The following INPP4B variants were observed in gnomAD, a reference collection of about 807,000 sequenced individuals.
The protein encoded by INPP4B is inositol polyphosphate-4-phosphatase type II B, also known as inositol polyphosphate 4-phosphatase type II.
INPP4B carries 55 observed loss-of-function variants against 122.5 expected under a neutral mutation model. The observed-to-expected ratio is 0.45, with a 90% CI of 0.36 to 0.56. INPP4B has a LOEUF of 0.56. Among genes scored for constraint, INPP4B ranks in the 20% least tolerant of loss-of-function variants. The probability of loss-of-function intolerance (pLI) is 0.00; values close to 1 mark genes in which losing one functional copy is unlikely to be tolerated. For synonymous variants in INPP4B, 403 were observed against 388.7 expected, an observed-to-expected ratio of 1.04 and a Z score of -0.43; for missense variants, 1,000 against 1,097.7, an observed-to-expected ratio of 0.91 and a Z score of 1.26.
At chr4:142,446,807 A>T (rs1813007250) in intron 3 of INPP4B, among the ~76,000 whole-genome samples, 1 of 152,196 alleles carries the variant, frequency 6.6e-6, no homozygotes, top group Non-Finnish European at 1.5e-5. Context: ...ACACTGTAAA[A>T]CAATACTCTT....
At position 142,840,067 on chromosome 4, in the gene INPP4B, G is replaced by A. The variant is rs541830551; in HGVS notation, c.-254+6142C>T. ...TAATTATTCAGTCAAAGGCAAGGGT[G>A]TATATATCCAGCTTAACCAAGAAGA... On this transcript the variant is annotated intron_variant, in intron 1 of 25. Transcript: ENST00000262992. 1.2e-4 allele frequency among the ~76,000 whole-genome samples: 18 copies of A among 152,274 alleles called. 1 individual carries two copies. In the South Asian group the frequency reaches 3.5e-3, roughly 30 times the overall value.
Position 142,138,136 on chromosome 4 carries a change from C to T in INPP4B, c.1720+7704G>A, listed in dbSNP as rs991139012. 1.5e-4 allele frequency among the ~76,000 whole-genome samples: 23 copies of T among 151,146 alleles called. No individual in the cohort carries two copies. In the East Asian group the frequency reaches 2.7e-3, roughly 18 times the overall value. The stretch of plus-strand genomic sequence containing the variant: ...CAATAGCAAAGACTTGGAACCAACC[C>T]AAATGTCCAACAATGATAGACTGGA... On this transcript the variant is annotated intron_variant, in intron 18 of 25. Coordinates refer to ENST00000262992, the MANE Select transcript of INPP4B (RefSeq NM_001101669.3).
chr4:142,829,007 G>A (rs1423496109), intron 1 of INPP4B, among the ~76,000 whole-genome samples: 7 of 149,454 alleles, frequency 4.7e-5, no homozygotes, highest in African/African-American at 9.9e-5. Context: ...TTTAGCCAGG[G>A]TGGATCATAG....
At chr4:142,086,302 C>T (rs777801126) in intron 23 of INPP4B, 46 bp from the exon 24 acceptor site, 2 of 1,050,984 alleles carry the variant, frequency 1.9e-6, no homozygotes, top group East Asian at 2.4e-5. Context: ...AGACAGTGTT[C>T]ACATTAAGCT....
intron 23 of INPP4B, among the ~76,000 whole-genome samples, chr4:142,106,353 A>AC (rs1787094938): frequency 6.6e-6 from 1 of 152,074 alleles, no homozygotes; most frequent in South Asian, 2.1e-4. Flanking sequence ...ATCTTGGCTC[A>AC]CTGCAACTTC....
intron 15 of INPP4B, among the ~76,000 whole-genome samples, chr4:142,174,487 C>A (rs941145929): frequency 1.3e-5 from 2 of 151,994 alleles, no homozygotes; most frequent in Admixed American, 6.6e-5. Flanking sequence ...GGCACATGGA[C>A]AAATTTATTG....
At chr4:142,271,501 T>C (rs1745818132) in intron 9 of INPP4B, among the ~76,000 whole-genome samples, 1 of 152,202 alleles carries the variant, frequency 6.6e-6, no homozygotes, top group Non-Finnish European at 1.5e-5. Flanking sequence ...AGAGTATAAA[T>C]ATTCTTATCT....
intron 15 of INPP4B, among the ~76,000 whole-genome samples, chr4:142,181,258 C>T (rs1038044384): frequency 2.0e-5 from 3 of 152,102 alleles, no homozygotes; most frequent in African/African-American, 7.2e-5. Flanking sequence ...AAAAGGATGG[C>T]ACATTGCATC....
chr4:142,410,848 AT>A (rs1804460909), intron 5 of INPP4B, among the ~76,000 whole-genome samples: 2 of 152,332 alleles, frequency 1.3e-5, no homozygotes, highest in African/African-American at 4.8e-5. Flanking sequence ...AACACAAAAA[AT>A]GGATTTTATC....
chr4:142,829,894 CAAT>C (rs1781906901), intron 1 of INPP4B, among the ~76,000 whole-genome samples: 1 of 151,988 alleles, frequency 6.6e-6, no homozygotes, highest in Admixed American at 6.6e-5. Context: ...ACATTAAAAT[CAAT>C]AATATTTCTA....
chr4:142,590,697 G>C (rs1189469544), intron 2 of INPP4B, among the ~76,000 whole-genome samples: 1 of 151,578 alleles, frequency 6.6e-6, no homozygotes, highest in African/African-American at 2.4e-5. Flanking sequence ...ATAATATATA[G>C]AGGTTATATA....
rs1169253224 is a variant in INPP4B, at chr4:142,025,860, G to A, written c.*2922C>T. ...GTTGCTCGACTCACTGAATTATGAG[G>A]CTGACCAAACTTATGTTCAGGGATT... On this transcript the variant is annotated 3_prime_UTR_variant, in exon 26 of 26. Transcript: ENST00000262992. The A allele has an allele frequency of 6.6e-6, 1 of 152,142 alleles. No individual in the cohort carries two copies. The highest frequency in any genetic ancestry group is 1.5e-5 in the Non-Finnish European group (1 of 68,020). 9.4% of individuals were successfully genotyped at this position (152,142 alleles called of 1,614,324 possible). A position where few individuals can be genotyped will look rare whatever the true frequency, so the allele number is the denominator to read the frequency against.
At chr4:142,717,048 C>CTT in intron 2 of INPP4B, among the ~76,000 whole-genome samples, 1 of 152,196 alleles carries the variant, frequency 6.6e-6, no homozygotes, top group Non-Finnish European at 1.5e-5. Context: ...CATAATAACC[C>CTT]TAGGTATGAC....
At chr4:142,720,662 C>A (rs1764412560) in intron 2 of INPP4B, among the ~76,000 whole-genome samples, 1 of 137,712 alleles carries the variant, frequency 7.3e-6, no homozygotes, top group Non-Finnish European at 1.5e-5. Flanking sequence ...TTTTGATTCC[C>A]AGTTGGTTGA....
intron 7 of INPP4B, among the ~76,000 whole-genome samples, chr4:142,336,769 C>T (rs1280444751): frequency 6.6e-6 from 1 of 152,218 alleles, no homozygotes; most frequent in African/African-American, 2.4e-5. Flanking sequence ...CAGAGCTGAA[C>T]AAGGCCCCAG....
intron 21 of INPP4B, among the ~76,000 whole-genome samples, chr4:142,116,493 T>G (rs1793525505): frequency 6.6e-6 from 1 of 152,116 alleles, no homozygotes; most frequent in Admixed American, 6.6e-5. Context: ...AAACTAGAAC[T>G]CAGGATTAAG....
chr4:142,810,526 C>T (rs940851653), intron 1 of INPP4B, among the ~76,000 whole-genome samples: 3 of 152,132 alleles, frequency 2.0e-5, no homozygotes, highest in African/African-American at 7.2e-5. Context: ...GAGTACTAAT[C>T]TACTGAGATT....
At chr4:142,386,123 G>C (rs1186024946) in intron 7 of INPP4B, among the ~76,000 whole-genome samples, 2 of 152,038 alleles carry the variant, frequency 1.3e-5, no homozygotes, top group East Asian at 3.9e-4. Context: ...GTGTAAGTGA[G>C]ACCATGCAGA....
At chr4:142,637,764 C>T (rs138581258) in intron 2 of INPP4B, among the ~76,000 whole-genome samples, 43 of 152,304 alleles carry the variant, frequency 2.8e-4, no homozygotes, top group African/African-American at 9.6e-4. Context: ...AGTTTTGTAG[C>T]CAACTGCCAA....
Sources: allele counts gnomAD v4.1 joint callset (sites outside exome capture counted in the v4.1 genomes callset), GRCh38; gene constraint gnomAD v4.1.1; transcripts MANE v1.5; gene names NCBI Gene and HGNC (gene_info 2026-07-23, HGNC 2026-07-21).